Variants in PAK3 observed in about 807,000 individuals in gnomAD.
The protein encoded by PAK3 is p21 (RAC1) activated kinase 3.
A neutral mutation model predicts 41.0 loss-of-function variants in PAK3; 4 were observed. That is an observed-to-expected ratio of 0.10 (90% CI 0.05 to 0.22). The LOEUF (loss-of-function observed/expected upper bound fraction) is 0.22, where lower values mean the gene tolerates loss of function less well. Ranked by LOEUF, PAK3 falls within the 10% of genes least tolerant of loss-of-function variation. The pLI, the probability that PAK3 is intolerant of heterozygous loss-of-function variation, is 1.00. For missense variants in PAK3, 205 were observed against 409.9 expected (o/e 0.50, Z 4.32); for synonymous variants, 146 against 139.6 (o/e 1.05, Z -0.32).
chrX:110,975,488 C>T (rs1020385577), intron 1 of PAK3, among the ~76,000 whole-genome samples: 8 of 111,832 alleles, frequency 7.2e-5, no homozygotes, highest in East Asian at 2.8e-4. Flanking sequence ...GAACATTCCA[C>T]GCTCATGGAT....
At chrX:111,201,239 C>T (rs941992639) in intron 16 of PAK3, among the ~76,000 whole-genome samples, 3 of 111,936 alleles carry the variant, frequency 2.7e-5, no homozygotes, top group East Asian at 2.8e-4. Context: ...TTTTTGGTTT[C>T]GATTTCAAAT....
At chrX:111,121,956 T>G (rs1030380269) in intron 4 of PAK3, among the ~76,000 whole-genome samples, 5 of 110,779 alleles carry the variant, frequency 4.5e-5, no homozygotes, top group Non-Finnish European at 9.4e-5. Flanking sequence ...CACAAGATAC[T>G]AAAGAATAAT....
At chrX:111,216,934 A>G in intron 17 of PAK3, 1 of 752,654 alleles carries the variant, frequency 1.3e-6, no homozygotes, top group Non-Finnish European at 1.6e-6. Flanking sequence ...AATTATTTCC[A>G]TGGCATTTGC....
Position 111,188,876 on chromosome X carries a change from C to T in PAK3, c.831-3251C>T, listed in dbSNP as rs370172740. Among the ~76,000 whole-genome samples the T allele has an allele frequency of 2.8e-4, 31 of 112,015 alleles. 1 individual carries two copies. The highest frequency in any genetic ancestry group is 2.0e-3 in the East Asian group (7 of 3,547). Reference sequence around the variant, plus strand: ...TTTGCATCTAAAGGAATTGTGCATGCGGCCTAAATACATGTGAATAAACCA... The same window carrying T: ...TTTGCATCTAAAGGAATTGTGCATGTGGCCTAAATACATGTGAATAAACCA... On this transcript the variant is annotated intron_variant, in intron 11 of 17. Transcript: ENST00000372007.
intron 11 of PAK3, among the ~76,000 whole-genome samples, chrX:111,183,322 G>T (rs2094478107): frequency 9.0e-6 from 1 of 111,376 alleles, no homozygotes; most frequent in Non-Finnish European, 1.9e-5. Context: ...CCTTTTTATA[G>T]CAGCAGCAGC....
intron 1 of PAK3, among the ~76,000 whole-genome samples, chrX:110,999,037 G>A (rs1201949285): frequency 1.8e-5 from 2 of 111,755 alleles, no homozygotes; most frequent in Non-Finnish European, 3.8e-5. Context: ...CCAGGGAGCA[G>A]ACAGGCTGTT....
intron 1 of PAK3, among the ~76,000 whole-genome samples, chrX:111,008,320 C>T (rs146468133): frequency 3.6e-5 from 4 of 112,545 alleles, no homozygotes; most frequent in African/African-American, 9.7e-5. Context: ...ATGTCAGGCA[C>T]ATATAAATGT....
intron 1 of PAK3, among the ~76,000 whole-genome samples, chrX:111,060,340 G>C (rs1295636902): frequency 9.0e-6 from 1 of 111,294 alleles, no homozygotes; most frequent in Non-Finnish European, 1.9e-5. Flanking sequence ...CTACTATTTT[G>C]TTGAGGATTT....
intron 1 of PAK3, among the ~76,000 whole-genome samples, chrX:111,057,515 A>G (rs1347744349): frequency 1.8e-5 from 2 of 111,563 alleles, no homozygotes; most frequent in African/African-American, 3.3e-5. Flanking sequence ...TTTTCACACA[A>G]TATCTTATCA....
intron 5 of PAK3, among the ~76,000 whole-genome samples, chrX:111,123,924 G>A (rs1353981674): frequency 9.0e-6 from 1 of 111,385 alleles, no homozygotes; most frequent in Non-Finnish European, 1.9e-5. Context: ...TGACGTGCAG[G>A]GATATGAAAT....
chrX:111,143,265 C>T (rs755734488), intron 6 of PAK3, among the ~76,000 whole-genome samples: 10 of 110,242 alleles, frequency 9.1e-5, no homozygotes, highest in South Asian at 7.7e-4. Context: ...TATGATTAAG[C>T]GGAAAAAAAG....
chrX:111,028,003 G>GTGTGTATATATATACACATATATATA (rs2092295274), intron 1 of PAK3, among the ~76,000 whole-genome samples: 2 of 105,606 alleles, frequency 1.9e-5, no homozygotes, highest in African/African-American at 6.9e-5. Context: ...ATGTGTGTGT[G>GTGTGTATATATATACACATATATATA]TGTATATATA....
chrX:111,205,849 A>G (rs1328212751), intron 16 of PAK3, among the ~76,000 whole-genome samples: 2 of 111,958 alleles, frequency 1.8e-5, no homozygotes, highest in Non-Finnish European at 3.8e-5. Flanking sequence ...TAATCCTAAT[A>G]TGGTAATTTG....
chrX:111,015,065 T>C (rs2092068040), intron 1 of PAK3, among the ~76,000 whole-genome samples: 1 of 110,787 alleles, frequency 9.0e-6, no homozygotes, highest in Non-Finnish European at 1.9e-5. Flanking sequence ...TAGTAAATAG[T>C]ATAACTTACT....
chrX:110,967,471 G>A (rs2091105208), intron 1 of PAK3, among the ~76,000 whole-genome samples: 1 of 111,371 alleles, frequency 9.0e-6, no homozygotes, highest in Non-Finnish European at 1.9e-5. Context: ...CAGACTGGTA[G>A]CTTAATGATT....
intron 1 of PAK3, among the ~76,000 whole-genome samples, chrX:111,048,467 G>A (rs1270518672): frequency 9.0e-6 from 1 of 111,299 alleles, no homozygotes. Flanking sequence ...TCTCCACTTA[G>A]GGGTCTAATA....
At chrX:111,087,752 CAAA>C (rs762062209) in intron 1 of PAK3, among the ~76,000 whole-genome samples, 1 of 69,484 alleles carries the variant, frequency 1.4e-5, no homozygotes, top group Non-Finnish European at 2.7e-5. Context: ...ACAGGGACTG[CAAA>C]AAAAAAAAAA....
At chrX:111,207,098 G>GTGTGTATA (rs760955956) in intron 16 of PAK3, among the ~76,000 whole-genome samples, 1 of 103,096 alleles carries the variant, frequency 9.7e-6, no homozygotes, top group African/African-American at 3.5e-5. Flanking sequence ...GTGTGTGTGT[G>GTGTGTATA]TATATATATA....
At chrX:111,014,735 C>T (rs755516835) in intron 1 of PAK3, among the ~76,000 whole-genome samples, 1 of 111,836 alleles carries the variant, frequency 8.9e-6, no homozygotes, top group South Asian at 3.8e-4. Context: ...GTTCTTGGTT[C>T]CTGTCTGACT....
Sources: gnomAD v4.1 joint callset for allele counts (sites outside exome capture counted in the v4.1 genomes callset) on GRCh38, gnomAD v4.1.1 for gene constraint, MANE v1.5 for transcripts, NCBI Gene and HGNC (gene_info 2026-07-23, HGNC 2026-07-21) for gene names.